The following SYN3 variants were observed in gnomAD, a reference collection of about 807,000 sequenced individuals.
The protein encoded by SYN3 is synapsin III.
A neutral mutation model predicts 65.8 loss-of-function variants in SYN3; 35 were observed. The observed-to-expected ratio is 0.53, with a 90% confidence interval of 0.41 to 0.70. The LOEUF is 0.70. Ranked by LOEUF, SYN3 falls within the 30% of genes least tolerant of loss-of-function variation. The pLI, the probability that SYN3 is intolerant of heterozygous loss-of-function variation, is 0.00. For synonymous variants in SYN3, 270 were observed against 292.9 expected (o/e 0.92, Z 0.80); for missense variants, 680 against 749.0 (o/e 0.91, Z 1.08).
intron 6 of SYN3, among the ~76,000 whole-genome samples, chr22:32,616,878 AG>A (rs1290985198): frequency 6.6e-6 from 1 of 152,198 alleles, no homozygotes; most frequent in Non-Finnish European, 1.5e-5. Flanking sequence ...CTGGTCATGC[AG>A]GAGTGTGCCC....
At chr22:32,728,623 G>A (rs1602000359) in intron 6 of SYN3, among the ~76,000 whole-genome samples, 1 of 152,238 alleles carries the variant, frequency 6.6e-6, no homozygotes, top group Non-Finnish European at 1.5e-5. Flanking sequence ...CAATCTCAGG[G>A]AGCACAAGAG....
chr22:32,651,699 T>TA (rs2060073681), intron 6 of SYN3, among the ~76,000 whole-genome samples: 1 of 152,180 alleles, frequency 6.6e-6, no homozygotes, highest in Non-Finnish European at 1.5e-5. Context: ...GCCATGTTCC[T>TA]AACCTACACC....
At chr22:32,871,875 GC>G (rs1273868102) in intron 4 of SYN3, among the ~76,000 whole-genome samples, 1 of 152,014 alleles carries the variant, frequency 6.6e-6, no homozygotes, top group African/African-American at 2.4e-5. Context: ...TGATCCTCCT[GC>G]CTCAGGTTCC....
Position 32,830,504 on chromosome 22 carries a change from G to C in SYN3, c.711+34411C>G, listed in dbSNP as rs577545846. Among the ~76,000 whole-genome samples, 27 of 152,282 alleles carry C rather than the reference G, an allele frequency of 1.8e-4. 1 individual carries two copies. The highest frequency in any genetic ancestry group is 6.5e-4 in the African/African-American group (27 of 41,566). On this transcript the variant is annotated intron_variant, in intron 6 of 13. Transcript: ENST00000358763. The stretch of plus-strand genomic sequence containing the variant: ...TGTGTGCCCCTCTTTCACAGAAACA[G>C]AGCTTCAGCCAAATCCTGGAACGGA...
chr22:32,852,734 G>A (rs558871597), intron 6 of SYN3, among the ~76,000 whole-genome samples: 4 of 139,744 alleles, frequency 2.9e-5, no homozygotes, highest in Non-Finnish European at 6.3e-5. Context: ...AGAGACCTGC[G>A]ATATGTGTGT....
intron 7 of SYN3, among the ~76,000 whole-genome samples, chr22:32,578,322 C>T (rs1267033494): frequency 6.6e-6 from 1 of 152,034 alleles, no homozygotes; most frequent in African/African-American, 2.4e-5. Flanking sequence ...TCATGGCTCC[C>T]TGCAGCCTCA....
chr22:32,603,490 A>G (rs2059316025), intron 6 of SYN3, among the ~76,000 whole-genome samples: 1 of 150,366 alleles, frequency 6.7e-6, no homozygotes, highest in African/African-American at 2.5e-5. Flanking sequence ...ACTGCACTCC[A>G]GCCTGGGCGA....
chr22:32,719,915 C>T (rs1255829019), intron 6 of SYN3, among the ~76,000 whole-genome samples: 1 of 152,122 alleles, frequency 6.6e-6, no homozygotes, highest in South Asian at 2.1e-4. Flanking sequence ...TTCTAACACC[C>T]TGGAGGGGAA....
rs1364467521 is a variant in SYN3 at position 32,512,633 on chromosome 22, AAAAG to A, written c.*1055_*1058del. ...ATATTATATACAATGCGTCTCCAAAAAAAGAAATACAAACAGCGGTTCCTAAACA... is the reference window on the plus strand; with the variant it reads ...ATATTATATACAATGCGTCTCCAAAAAAATACAAACAGCGGTTCCTAAACA... On this transcript the variant is annotated 3_prime_UTR_variant, in exon 14 of 14. Coordinates refer to ENST00000358763, the MANE Select transcript of SYN3 (RefSeq NM_003490.4). 2.0e-5 allele frequency: 3 copies of A among 152,256 alleles called. No individual in the cohort carries two copies. Among genetic ancestry groups the A allele is most frequent in the Non-Finnish European group, 2.9e-5 (2 of 68,040 alleles). The allele number at this position is 152,256 out of a possible 1,614,324, so 9.4% of individuals were successfully genotyped here.
rs1202775548 is a variant in SYN3 at position 32,931,467 on chromosome 22, C to T, written c.384G>A (p.Glu128=). Residue 128 remains glutamate, a synonymous_variant, in exon 4 of 14, where the codon GAG becomes GAA. Coordinates refer to ENST00000358763, the MANE Select transcript of SYN3 (RefSeq NM_003490.4). ...EIRVEQAEFS[E]LNLAAYVTGG... ...CGGTCACATAGGCAGCTAGGTTCAA[C>T]TCTGAGAATTCAGCCTGAAGAATAA... The T allele has an allele frequency of 3.1e-6, 5 of 1,613,664 alleles. No homozygotes were observed. Among genetic ancestry groups the T allele is most frequent in the Non-Finnish European group, 4.2e-6 (5 of 1,179,686 alleles).
intron 7 of SYN3, among the ~76,000 whole-genome samples, chr22:32,545,609 G>A (rs1008486956): frequency 2.6e-5 from 4 of 152,132 alleles, no homozygotes; most frequent in South Asian, 2.1e-4. Flanking sequence ...TGCCCAGGCT[G>A]GAGTGCAATG....
intron 1 of SYN3, among the ~76,000 whole-genome samples, chr22:33,052,225 C>G (rs1403185871): frequency 6.6e-6 from 1 of 152,206 alleles, no homozygotes; most frequent in Non-Finnish European, 1.5e-5. Flanking sequence ...TTGGGCTCAC[C>G]TCCTGGTTCT....
intron 4 of SYN3, among the ~76,000 whole-genome samples, chr22:32,904,728 C>T (rs938878150): frequency 9.9e-5 from 15 of 152,162 alleles, no homozygotes; most frequent in Non-Finnish European, 2.2e-4. Context: ...TCCTTCCACT[C>T]CACGCAACAC....
chr22:32,684,687 G>C (rs1280875651), intron 6 of SYN3, among the ~76,000 whole-genome samples: 1 of 152,186 alleles, frequency 6.6e-6, no homozygotes, highest in African/African-American at 2.4e-5. Flanking sequence ...AAATGCCTTG[G>C]ATGTTTTTTA....
intron 7 of SYN3, among the ~76,000 whole-genome samples, chr22:32,568,276 C>T (rs2058700609): frequency 6.6e-6 from 1 of 152,206 alleles, no homozygotes; most frequent in African/African-American, 2.4e-5. Context: ...TCAGTTCCTC[C>T]TCCAGCTCCT....
chr22:32,908,096 T>C (rs1250705750), intron 4 of SYN3, among the ~76,000 whole-genome samples: 2 of 152,022 alleles, frequency 1.3e-5, no homozygotes, highest in South Asian at 2.1e-4. Flanking sequence ...TTTTTCTTTT[T>C]TTTTTTTGAG....
At chr22:33,053,989 T>TCACAGGAACTCACA (rs759932873) in intron 1 of SYN3, among the ~76,000 whole-genome samples, 27 of 152,218 alleles carry the variant, frequency 1.8e-4, no homozygotes, top group Non-Finnish European at 2.5e-4. Flanking sequence ...ATTGGAAGTC[T>TCACAGGAACTCACA]GGAGACTCAC....
At chr22:32,666,876 T>C (rs1443239639) in intron 6 of SYN3, among the ~76,000 whole-genome samples, 1 of 152,184 alleles carries the variant, frequency 6.6e-6, no homozygotes, top group Admixed American at 6.5e-5. Context: ...TACCAAGGAA[T>C]AATGAACCAC....
intron 4 of SYN3, among the ~76,000 whole-genome samples, chr22:32,901,553 T>C (rs771689485): frequency 1.2e-4 from 18 of 152,184 alleles, no homozygotes; most frequent in Non-Finnish European, 2.1e-4. Flanking sequence ...CTCATAATGA[T>C]CAGCCAAGCA....
Sources: allele counts gnomAD v4.1 joint callset (sites outside exome capture counted in the v4.1 genomes callset), GRCh38; gene constraint gnomAD v4.1.1; transcripts MANE v1.5; gene names NCBI Gene and HGNC (gene_info 2026-07-23, HGNC 2026-07-21).